The following KCTD3 variants were observed in gnomAD, a reference collection of about 807,000 sequenced individuals.
The protein encoded by KCTD3 is BTB/POZ domain-containing protein KCTD3.
KCTD3 carries 41 observed loss-of-function variants against 85.8 expected under a neutral mutation model. That is an observed-to-expected ratio of 0.48 (90% CI 0.37 to 0.62). The LOEUF (loss-of-function observed/expected upper bound fraction) is 0.62, where lower values mean the gene tolerates loss of function less well. KCTD3 is among the 20% of genes least tolerant of loss of function. KCTD3 has a pLI of 0.00. For missense variants in KCTD3, 724 were observed against 989.9 expected (o/e 0.73, Z 3.60); for synonymous variants, 338 against 345.4 (o/e 0.98, Z 0.24).
At chr1:215,614,083 A>G (rs1571900779) in intron 15 of KCTD3, among the ~76,000 whole-genome samples, 1 of 119,560 alleles carries the variant, frequency 8.4e-6, no homozygotes, top group Admixed American at 1.2e-4. Flanking sequence ...CCCAGGCTGG[A>G]GTGCAGTGGT....
intron 9 of KCTD3, among the ~76,000 whole-genome samples, chr1:215,589,958 T>G (rs1222946773): frequency 6.6e-6 from 1 of 152,012 alleles, no homozygotes; most frequent in East Asian, 1.9e-4. Flanking sequence ...TATATAGGAG[T>G]GGAATTTCTT....
chr1:215,618,730 G>C, intron 15 of KCTD3, 156 bp from the exon 16 acceptor site: 1 of 612,800 alleles, frequency 1.6e-6, no homozygotes, highest in Non-Finnish European at 2.8e-6. Context: ...TCTGGTTTCA[G>C]ATTTTAAAGA....
chr1:215,582,882 G>A (rs1659878207), intron 8 of KCTD3, among the ~76,000 whole-genome samples: 1 of 152,126 alleles, frequency 6.6e-6, no homozygotes, highest in African/African-American at 2.4e-5. Flanking sequence ...TATTTTAAAT[G>A]TATTACTTGT....
At chr1:215,615,515 G>A (rs1199816523) in intron 15 of KCTD3, among the ~76,000 whole-genome samples, 1 of 151,936 alleles carries the variant, frequency 6.6e-6, no homozygotes, top group Non-Finnish European at 1.5e-5. Context: ...AGCTACTTGG[G>A]AGGCTGAGGC....
At position 215,601,009 on chromosome 1, in the gene KCTD3, C is replaced by T. The variant is rs532967868; in HGVS notation, c.934-858C>T. 1.2e-4 allele frequency among the ~76,000 whole-genome samples: 18 copies of T among 152,214 alleles called. 1 individual carries two copies. In the South Asian group the frequency reaches 3.7e-3, roughly 32 times the overall value. On this transcript the variant is annotated intron_variant, in intron 10 of 17. Coordinates refer to ENST00000259154, the MANE Select transcript of KCTD3 (RefSeq NM_016121.5). ...CTGGAGTGCAGTGGCACAATCCCCG[C>T]TCACCGCAACCTCTGCCTCCCAGGT...
intron 9 of KCTD3, among the ~76,000 whole-genome samples, chr1:215,591,293 TC>T (rs1660200167): frequency 2.3e-5 from 2 of 87,356 alleles, no homozygotes; most frequent in Non-Finnish European, 4.4e-5. Context: ...CTTCTTTCCT[TC>T]CTTCCTTCCT....
intron 15 of KCTD3, among the ~76,000 whole-genome samples, chr1:215,614,302 A>G (rs973322745): frequency 3.9e-5 from 6 of 152,042 alleles, no homozygotes; most frequent in Non-Finnish European, 7.4e-5. Flanking sequence ...AAGTGCTGGG[A>G]TTACAGGCGT....
rs1177068120 is a variant in KCTD3, at chr1:215,619,167, A to G, written c.1762A>G (p.Thr588Ala). Reference protein sequence around the residue: ...KSEDKDVGGPTEEELLKLLDQ... With the variant: ...KSEDKDVGGPAEEELLKLLDQ... ...GTTCTCCTAAGATGTAGGTGGTCCAACCGAAGAAGAGCTACTCAAATTACT... is the reference window on the plus strand; with the variant it reads ...GTTCTCCTAAGATGTAGGTGGTCCAGCCGAAGAAGAGCTACTCAAATTACT... Residue 588 changes from threonine to alanine, a missense_variant, in exon 17 of 18, where the codon ACC becomes GCC. Coordinates refer to ENST00000259154, the MANE Select transcript of KCTD3 (RefSeq NM_016121.5). 2 of 1,613,868 alleles carry G rather than the reference A, an allele frequency of 1.2e-6. No individual in the cohort carries two copies. The highest frequency in any genetic ancestry group is 1.7e-6 in the Non-Finnish European group (2 of 1,179,836).
chr1:215,594,427 CCT>C (rs1558236838), intron 9 of KCTD3, among the ~76,000 whole-genome samples: 2 of 152,154 alleles, frequency 1.3e-5, no homozygotes, highest in Non-Finnish European at 2.9e-5. Context: ...CTGCTTACAA[CCT>C]CTCTCACCTA....
chr1:215,582,082 G>A (rs1659845801), intron 8 of KCTD3, among the ~76,000 whole-genome samples: 1 of 152,130 alleles, frequency 6.6e-6, no homozygotes, highest in Non-Finnish European at 1.5e-5. Flanking sequence ...GCCCCCTTGG[G>A]GCTTATATTC....
Position 215,580,019 on chromosome 1 carries a change from G to T in KCTD3, c.626+20G>T. The T allele has an allele frequency of 6.9e-7, 1 of 1,444,686 alleles. No homozygotes were observed. Among genetic ancestry groups the T allele is most frequent in the Non-Finnish European group, 9.7e-7 (1 of 1,033,198 alleles). 89.5% of individuals were successfully genotyped at this position (1,444,686 alleles called of 1,614,324 possible). A position where few individuals can be genotyped will look rare whatever the true frequency, so the allele number is the denominator to read the frequency against. Reference sequence around the variant, plus strand: ...TTACAGGTAGTGTATAATTAATAATGCTTTGCTTTTACAGGTGGCAGTTTG... The same window carrying T: ...TTACAGGTAGTGTATAATTAATAATTCTTTGCTTTTACAGGTGGCAGTTTG... On this transcript the variant is annotated intron_variant, in intron 8 of 17. Coordinates refer to ENST00000259154, the MANE Select transcript of KCTD3 (RefSeq NM_016121.5).
At chr1:215,591,399 C>G (rs1660212708) in intron 9 of KCTD3, among the ~76,000 whole-genome samples, 1 of 151,476 alleles carries the variant, frequency 6.6e-6, no homozygotes, top group Admixed American at 6.6e-5. Flanking sequence ...CACTCTGTCT[C>G]CAGGCTGGAG....
intron 4 of KCTD3, among the ~76,000 whole-genome samples, chr1:215,576,780 T>C (rs1659601572): frequency 6.6e-6 from 1 of 151,738 alleles, no homozygotes; most frequent in Non-Finnish European, 1.5e-5. Flanking sequence ...GTTTTAGTCA[T>C]GATGGTCTCC....
intron 1 of KCTD3, among the ~76,000 whole-genome samples, chr1:215,570,066 C>T (rs959369531): frequency 3.0e-4 from 46 of 152,110 alleles, no homozygotes; most frequent in Non-Finnish European, 5.7e-4. Context: ...GTACAAAACA[C>T]AGTGTAACAT....
chr1:215,586,381 G>T, intron 8 of KCTD3, 114 bp from the exon 9 acceptor site: 1 of 866,142 alleles, frequency 1.2e-6, no homozygotes, highest in South Asian at 1.9e-5. Context: ...ATGGGTAACT[G>T]TTTAGTTTTT....
chr1:215,615,560 C>T (rs955722475), intron 15 of KCTD3, among the ~76,000 whole-genome samples: 4 of 151,036 alleles, frequency 2.6e-5, no homozygotes, highest in Non-Finnish European at 1.5e-5. Context: ...ATGGAGCTTG[C>T]AGTGAGCTGA....
At chr1:215,573,162 T>A (rs953790713) in intron 1 of KCTD3, among the ~76,000 whole-genome samples, 3 of 152,192 alleles carry the variant, frequency 2.0e-5, no homozygotes, top group African/African-American at 7.2e-5. Flanking sequence ...AGCCCAAGAC[T>A]GCCTATAAAG....
chr1:215,573,028 A>C (rs1004455857), intron 1 of KCTD3, among the ~76,000 whole-genome samples: 1 of 152,174 alleles, frequency 6.6e-6, no homozygotes, highest in South Asian at 2.1e-4. Flanking sequence ...GTCCCAGTCT[A>C]TTATACTGTA....
At chr1:215,602,426 G>A (rs1300470933) in intron 12 of KCTD3, among the ~76,000 whole-genome samples, 2 of 150,976 alleles carry the variant, frequency 1.3e-5, no homozygotes, top group East Asian at 3.9e-4. Context: ...CTCCCCTTAC[G>A]CTGAATTGCA....
Sources: gnomAD v4.1 joint callset for allele counts (sites outside exome capture counted in the v4.1 genomes callset) on GRCh38, gnomAD v4.1.1 for gene constraint, MANE v1.5 for transcripts, NCBI Gene and HGNC (gene_info 2026-07-23, HGNC 2026-07-21) for gene names.